Variants in HMGCL observed in about 807,000 individuals in gnomAD.
The protein encoded by HMGCL is 3-hydroxy-3-methylglutaryl-CoA lyase.
A neutral mutation model predicts 37.3 loss-of-function variants in HMGCL; 26 were observed. The observed-to-expected ratio is 0.70, with a 90% CI of 0.51 to 0.97. The LOEUF (loss-of-function observed/expected upper bound fraction) is 0.97, where lower values mean the gene tolerates loss of function less well. HMGCL is among the 50% of genes least tolerant of loss of function. The probability of loss-of-function intolerance (pLI) is 0.00; values close to 1 mark genes in which losing one functional copy is unlikely to be tolerated. For missense variants in HMGCL, 379 were observed against 398.1 expected (o/e 0.95, Z 0.41); for synonymous variants, 151 against 148.0 (o/e 1.02, Z -0.15).
At chr1:23,807,869 C>A (rs1308245426) in intron 7 of HMGCL, among the ~76,000 whole-genome samples, 3 of 152,144 alleles carry the variant, frequency 2.0e-5, no homozygotes, top group Admixed American at 6.5e-5. Context: ...TGGGATGGGG[C>A]CCCTCTAGGC....
intron 1 of HMGCL, among the ~76,000 whole-genome samples, chr1:23,823,759 T>C (rs985179794): frequency 2.6e-5 from 4 of 151,784 alleles, no homozygotes; most frequent in Admixed American, 1.3e-4. Context: ...CTTGGGAGGC[T>C]GAGGCAGAAG....
chr1:23,810,882 T>C (rs752953625), intron 5 of HMGCL, 83 bp from the exon 6 acceptor site: 22 of 1,104,426 alleles, frequency 2.0e-5, no homozygotes, highest in Non-Finnish European at 2.8e-5. Context: ...TTAACACACA[T>C]TTCTGATCAG....
Position 23,816,674 on chromosome 1 carries a change from C to A in HMGCL, c.348+1G>T. ...CCCCCACCAACAAGCTATCCTCTTA[C>A]CGCTGCCTCGAAGCCTTTCAAATTT... On this transcript the variant is annotated splice_donor_variant, in intron 4 of 8. Transcript: ENST00000374490. LOFTEE classifies it high-confidence loss of function. 4 of 1,586,892 alleles carry A rather than the reference C, an allele frequency of 2.5e-6. No homozygotes were observed. Among genetic ancestry groups the A allele is most frequent in the Non-Finnish European group, 2.6e-6 (3 of 1,155,168 alleles).
At chr1:23,813,233 T>TG (rs1231560742) in intron 5 of HMGCL, among the ~76,000 whole-genome samples, 1 of 143,596 alleles carries the variant, frequency 7.0e-6, no homozygotes, top group Non-Finnish European at 1.5e-5. Context: ...CAATGTTTTT[T>TG]TTTTTTTTTT....
At chr1:23,811,121 T>C (rs751231818) in intron 5 of HMGCL, among the ~76,000 whole-genome samples, 2 of 151,798 alleles carry the variant, frequency 1.3e-5, no homozygotes, top group Non-Finnish European at 2.9e-5. Context: ...GGTGGGGAGA[T>C]GGAGCAAAAC....
chr1:23,818,823 G>A (rs999324692), intron 2 of HMGCL, among the ~76,000 whole-genome samples: 1 of 151,766 alleles, frequency 6.6e-6, no homozygotes, highest in Non-Finnish European at 1.5e-5. Context: ...CAGTATTACA[G>A]GCATGAGCCA....
chr1:23,820,998 C>T (rs1217733835), intron 1 of HMGCL, among the ~76,000 whole-genome samples: 1 of 152,238 alleles, frequency 6.6e-6, no homozygotes, highest in Non-Finnish European at 1.5e-5. Context: ...TGAGCCATTT[C>T]ACCTATTCAC....
At chr1:23,819,603 CCTG>C (rs1638674552) in intron 2 of HMGCL, among the ~76,000 whole-genome samples, 6 of 152,102 alleles carry the variant, frequency 3.9e-5, no homozygotes, top group Admixed American at 2.0e-4. Context: ...GTGGCAGGGG[CCTG>C]TAATCCTAGC....
Position 23,810,753 on chromosome 1 carries a change from G to A in HMGCL, c.544C>T (p.Pro182Ser). ...LGCPYEGKIS[P>S]AKVAEVTKKF... is the part of the protein sequence containing the mutation. ...GCACACACCTCAGCTACTTTAGCTG[G>A]GGAGATCTTCCCTTCATAAGGGCAG... The change falls in exon 6 of 9, where the codon CCA (proline) becomes TCA (serine). Residue 182 changes from proline (P) to serine (S), a missense_variant. By Grantham distance (74) the Pro-to-Ser change is moderately conservative. Coordinates refer to ENST00000374490, the MANE Select transcript of HMGCL (RefSeq NM_000191.3). 4 of 1,613,918 alleles carry A rather than the reference G, an allele frequency of 2.5e-6. No individual in the cohort carries two copies. Among genetic ancestry groups the A allele is most frequent in the Non-Finnish European group, 3.4e-6 (4 of 1,179,850 alleles).
At chr1:23,811,143 G>A (rs1638513400) in intron 5 of HMGCL, among the ~76,000 whole-genome samples, 1 of 152,204 alleles carries the variant, frequency 6.6e-6, no homozygotes, top group African/African-American at 2.4e-5. Flanking sequence ...ACGTGCCAGA[G>A]GAGCTGGGGC....
chr1:23,815,692 T>G lies in HMGCL; in HGVS notation c.348+983A>C, dbSNP rs189462606. Among the ~76,000 whole-genome samples, 315 of 152,020 alleles carry G rather than the reference T, an allele frequency of 2.1e-3. 6 individuals are homozygous for G. Among genetic ancestry groups the G allele is most frequent in the East Asian group, 0.02 (105 of 5,148 alleles). ...TTGTATTTTTAGTAGAGACGGGGTT[T>G]CATCGTGTTAGCCAGGATGGTCTCG... On this transcript the variant is annotated intron_variant, in intron 4 of 8. Coordinates refer to ENST00000374490, the MANE Select transcript of HMGCL (RefSeq NM_000191.3).
rs1638572829 is a variant in HMGCL, at chr1:23,814,204, A to G, written c.483T>C (p.Asn161=). The change falls in exon 5 of 9, where the codon AAT becomes AAC. Residue 161 remains asparagine, a synonymous_variant. Coordinates refer to ENST00000374490, the MANE Select transcript of HMGCL (RefSeq NM_000191.3). ...CTCTGACTCACCCCCGCACAGAAAT[A>G]TTGGCTGACTGCGCTGCCTTCAGGA... is the stretch of plus-strand genomic sequence containing the variant. ...DAILKAAQSA[N]ISVRGYVSCA... 3 of 1,613,782 alleles carry G rather than the reference A, an allele frequency of 1.9e-6. No individual in the cohort carries two copies. Among genetic ancestry groups the G allele is most frequent in the Non-Finnish European group, 2.5e-6 (3 of 1,180,032 alleles).
At chr1:23,816,086 TG>T (rs1333346092) in intron 4 of HMGCL, among the ~76,000 whole-genome samples, 6 of 103,460 alleles carry the variant, frequency 5.8e-5, no homozygotes, top group Non-Finnish European at 1.2e-4. Flanking sequence ...GCCAGCTAAT[TG>T]ATTTTTTTTT....
At chr1:23,808,098 G>T in intron 7 of HMGCL, 37 bp downstream of exon 7, 2 of 1,573,254 alleles carry the variant, frequency 1.3e-6, no homozygotes, top group Non-Finnish European at 1.7e-6. Flanking sequence ...CCTGCCCACC[G>T]TGACCTTTGG....
intron 4 of HMGCL, 30 bp from the exon 5 acceptor site, chr1:23,814,368 C>T (rs1001596104): frequency 5.0e-6 from 8 of 1,611,082 alleles, no homozygotes; most frequent in Admixed American, 1.7e-5. Flanking sequence ...CTCCTTTCAG[C>T]ACTTTTCTCT....
chr1:23,814,594 C>T (rs1290004240), intron 4 of HMGCL, among the ~76,000 whole-genome samples: 1 of 152,130 alleles, frequency 6.6e-6, no homozygotes, highest in Non-Finnish European at 1.5e-5. Context: ...TGGTTTCGAA[C>T]TCCTGACCTT....
At position 23,802,406 on chromosome 1, in the gene HMGCL, C is replaced by A; in HGVS notation, c.*57G>T. 2 of 1,022,896 alleles carry A rather than the reference C, an allele frequency of 2.0e-6. No homozygotes were observed. The highest frequency in any genetic ancestry group is 2.5e-5 in the South Asian group (2 of 79,256). The allele number at this position is 1,022,896 out of a possible 1,614,324, so 63.4% of individuals were successfully genotyped here. On this transcript the variant is annotated 3_prime_UTR_variant, in exon 9 of 9. Transcript: ENST00000374490. ...CATTTCCATGTCCCCATCCATGAATCATCTGTGTGTGCCCCTATTTCCACA... is the reference window on the plus strand; with the variant it reads ...CATTTCCATGTCCCCATCCATGAATAATCTGTGTGTGCCCCTATTTCCACA...
intron 2 of HMGCL, among the ~76,000 whole-genome samples, chr1:23,819,839 C>T (rs1007300539): frequency 2.0e-5 from 3 of 152,160 alleles, no homozygotes; most frequent in Non-Finnish European, 2.9e-5. Flanking sequence ...GCTGGGATTA[C>T]AGGCATGAGC....
At chr1:23,823,664 T>A (rs986716129) in intron 1 of HMGCL, among the ~76,000 whole-genome samples, 1 of 152,024 alleles carries the variant, frequency 6.6e-6, no homozygotes, top group African/African-American at 2.4e-5. Context: ...GCCATTTACA[T>A]ATTAACCCAT....
Sources: gnomAD v4.1 joint callset for allele counts (sites outside exome capture counted in the v4.1 genomes callset) on GRCh38, gnomAD v4.1.1 for gene constraint, MANE v1.5 for transcripts, NCBI Gene and HGNC (gene_info 2026-07-23, HGNC 2026-07-21) for gene names.